FAAH2: variants seen among roughly 807,000 people sequenced by gnomAD.
FAAH2 encodes fatty-acid amide hydrolase 2.
A neutral mutation model predicts 36.9 loss-of-function variants in FAAH2; 60 were observed. The observed-to-expected ratio is 1.63, with a 90% CI of 1.32 to 2.02. The LOEUF is 2.02. Among genes scored for constraint, FAAH2 ranks in the 30% most tolerant of loss-of-function variants. FAAH2 has a pLI of 0.00. For synonymous variants in FAAH2, 214 were observed against 143.8 expected, an observed-to-expected ratio of 1.49 and a Z score of -3.49; for missense variants, 689 against 397.5, an observed-to-expected ratio of 1.73 and a Z score of -6.23.
At chrX:57,278,993 T>C in the FAAH2 span, among the ~76,000 whole-genome samples, 2 of 112,223 alleles carry the variant, frequency 1.8e-5, no homozygotes, top group African/African-American at 3.2e-5. Context: ...GGAATGCTTT[T>C]ACACTGTTAG....
intron 10 of FAAH2, among the ~76,000 whole-genome samples, chrX:57,477,282 A>G (rs5915043): frequency 9.0e-6 from 1 of 110,601 alleles, no homozygotes; most frequent in Non-Finnish European, 1.9e-5. Context: ...CTTAAAAGAC[A>G]CAATAATATA....
chrX:57,409,181 G>T (rs1020640274), intron 7 of FAAH2, among the ~76,000 whole-genome samples: 1 of 111,188 alleles, frequency 9.0e-6, no homozygotes, highest in African/African-American at 3.3e-5. Flanking sequence ...TCATAAATAT[G>T]GTTCATTATT....
At chrX:57,470,407 A>G (rs751205592) in intron 10 of FAAH2, among the ~76,000 whole-genome samples, 47 of 111,927 alleles carry the variant, frequency 4.2e-4, no homozygotes, top group Admixed American at 3.8e-4. Flanking sequence ...AAAAAATGAT[A>G]AAGCGGATAT....
At chrX:57,378,927 A>G in intron 6 of FAAH2, 141 bp downstream of exon 6, 1 of 643,601 alleles carries the variant, frequency 1.6e-6, no homozygotes, top group Admixed American at 4.0e-5. Context: ...TTATATACTT[A>G]TATAAGTGGA....
chrX:57,149,813 G>A, the FAAH2 span, among the ~76,000 whole-genome samples: 1 of 111,224 alleles, frequency 9.0e-6, no homozygotes, highest in Non-Finnish European at 1.9e-5. Context: ...TTTTGAATGT[G>A]TTTGCTCTTG....
At chrX:57,319,435 A>G (rs1012158833) in intron 3 of FAAH2, among the ~76,000 whole-genome samples, 2 of 111,831 alleles carry the variant, frequency 1.8e-5, no homozygotes, top group Non-Finnish European at 3.8e-5. Flanking sequence ...CTACAAAGAG[A>G]ATAAAATACA....
At chrX:57,333,591 G>T (rs1219320811) in intron 4 of FAAH2, among the ~76,000 whole-genome samples, 2 of 34,979 alleles carry the variant, frequency 5.7e-5, no homozygotes, top group African/African-American at 1.4e-4. Flanking sequence ...AAAAGCAAAT[G>T]CTAGAAATAA....
chrX:57,157,556 A>AGG, the FAAH2 span, among the ~76,000 whole-genome samples: 4 of 111,312 alleles, frequency 3.6e-5, no homozygotes, highest in Non-Finnish European at 7.5e-5. Flanking sequence ...CTCTCCCAAC[A>AGG]CACAGATTCT....
In FAAH2 at chrX:57,417,119, G is replaced by A. The variant is rs1007994454; in HGVS notation, c.997-14799G>A. ...TTCTCTAACCTGGTTATTCTAGCTA[G>A]CAATTCCTCTCTCTTTCAAGGTTCT... On this transcript the variant is annotated intron_variant, in intron 7 of 10. Transcript: ENST00000374900. 3.6e-5 allele frequency among the ~76,000 whole-genome samples: 4 copies of A among 111,553 alleles called. No individual in the cohort carries two copies. In the Admixed American group the frequency reaches 3.8e-4, roughly 11 times the overall value.
chrX:57,408,399 A>G (rs1215927026), intron 7 of FAAH2, among the ~76,000 whole-genome samples: 1 of 111,092 alleles, frequency 9.0e-6, no homozygotes, highest in African/African-American at 3.3e-5. Context: ...TTAGTATTTT[A>G]ATCATTTTAA....
At chrX:57,414,757 G>A (rs888680844) in intron 7 of FAAH2, among the ~76,000 whole-genome samples, 3 of 107,922 alleles carry the variant, frequency 2.8e-5, no homozygotes, top group Non-Finnish European at 3.8e-5. Flanking sequence ...GATTCCCTCT[G>A]TTTCTATTGT....
intron 10 of FAAH2, among the ~76,000 whole-genome samples, chrX:57,448,923 T>G (rs1275087022): frequency 8.9e-6 from 1 of 111,976 alleles, no homozygotes; most frequent in East Asian, 2.8e-4. Flanking sequence ...ACAATAATCC[T>G]ACAAGTGCAT....
the FAAH2 span, among the ~76,000 whole-genome samples, chrX:57,192,801 G>A: frequency 8.9e-6 from 1 of 111,846 alleles, no homozygotes; most frequent in Non-Finnish European, 1.9e-5. Flanking sequence ...AGTCTCTAAA[G>A]ATAAATTGTG....
chrX:57,137,812 G>C, the FAAH2 span, among the ~76,000 whole-genome samples: 17 of 111,558 alleles, frequency 1.5e-4, no homozygotes, highest in East Asian at 4.8e-3. Context: ...GAAATACCAT[G>C]TGTATACATT....
chrX:57,356,228 C>A (rs766728331), intron 5 of FAAH2, among the ~76,000 whole-genome samples: 304 of 110,492 alleles, frequency 2.8e-3, no homozygotes, highest in Non-Finnish European at 4.0e-3. Flanking sequence ...CTATAGTTTT[C>A]TTGTAGTAAC....
At chrX:57,314,456 G>A (rs1250861281) in intron 3 of FAAH2, among the ~76,000 whole-genome samples, 1 of 111,210 alleles carries the variant, frequency 9.0e-6, no homozygotes, top group Non-Finnish European at 1.9e-5. Context: ...ATCTGTACAT[G>A]GAGCATACTC....
chrX:57,149,051 T>C, the FAAH2 span, among the ~76,000 whole-genome samples: 4 of 112,176 alleles, frequency 3.6e-5, no homozygotes, highest in African/African-American at 9.7e-5. Flanking sequence ...GTTTATATGC[T>C]GGATTACATT....
At chrX:57,336,455 T>G (rs374551393) in intron 4 of FAAH2, among the ~76,000 whole-genome samples, 55 of 111,414 alleles carry the variant, frequency 4.9e-4, no homozygotes, top group African/African-American at 1.7e-3. Flanking sequence ...CGCATGAAAC[T>G]TAGTACAGAA....
At chrX:57,202,800 A>T in the FAAH2 span, among the ~76,000 whole-genome samples, 39 of 111,667 alleles carry the variant, frequency 3.5e-4, no homozygotes, top group African/African-American at 1.3e-3. Context: ...AAATTCTGGA[A>T]GTCTGCCTCG....
Sources: allele counts gnomAD v4.1 joint callset (sites outside exome capture counted in the v4.1 genomes callset), GRCh38; gene constraint gnomAD v4.1.1; transcripts MANE v1.5; gene names NCBI Gene and HGNC (gene_info 2026-07-23, HGNC 2026-07-21).